Variants in MTHFD2L observed in about 807,000 individuals in gnomAD.
MTHFD2L encodes the protein bifunctional methylenetetrahydrofolate dehydrogenase/cyclohydrolase 2, mitochondrial.
Under a neutral mutation model 34.9 loss-of-function variants are expected in MTHFD2L, and 29 were observed. The ratio of observed to expected loss-of-function variants is 0.83; its 90% CI spans 0.62 to 1.13. The LOEUF is 1.13. MTHFD2L is among the 50% of genes most tolerant of loss of function. MTHFD2L has a pLI of 0.00. For missense variants in MTHFD2L, 481 were observed against 446.5 expected (o/e 1.08, Z -0.70); for synonymous variants, 167 against 155.7 (o/e 1.07, Z -0.54).
At chr4:74,162,719 C>G (rs1412719575) in intron 1 of MTHFD2L, among the ~76,000 whole-genome samples, 2 of 152,100 alleles carry the variant, frequency 1.3e-5, no homozygotes, top group African/African-American at 2.4e-5. Context: ...GACACTATTA[C>G]TATTCCCAGT....
At chr4:74,128,038 G>T (rs1373859490) in intron 1 of MTHFD2L, among the ~76,000 whole-genome samples, 2 of 152,022 alleles carry the variant, frequency 1.3e-5, no homozygotes, top group East Asian at 3.8e-4. Context: ...TTGGCCATTT[G>T]TATGCCTTCA....
intron 1 of MTHFD2L, among the ~76,000 whole-genome samples, chr4:74,171,189 T>C (rs757446580): frequency 1.4e-4 from 21 of 152,188 alleles, no homozygotes; most frequent in South Asian, 4.2e-4. Context: ...GGCAAAAGAC[T>C]TAATTATTTA....
At chr4:74,173,436 C>A (rs1280865436) in intron 1 of MTHFD2L, among the ~76,000 whole-genome samples, 1 of 152,184 alleles carries the variant, frequency 6.6e-6, no homozygotes, top group Non-Finnish European at 1.5e-5. Flanking sequence ...TGGGAAGGAA[C>A]TAAACTATCG....
At chr4:74,267,465 A>G (rs541720775) in intron 6 of MTHFD2L, among the ~76,000 whole-genome samples, 15 of 146,556 alleles carry the variant, frequency 1.0e-4, no homozygotes, top group Non-Finnish European at 2.1e-4. Context: ...TGGTGGCGCC[A>G]TCGTGGCTCA....
intron 7 of MTHFD2L, among the ~76,000 whole-genome samples, chr4:74,284,676 T>G (rs1340734000): frequency 1.3e-5 from 2 of 152,012 alleles, no homozygotes; most frequent in Non-Finnish European, 1.5e-5. Context: ...GTGCAGAAGC[T>G]CTAAAAATCA....
intron 1 of MTHFD2L, chr4:74,143,351 C>T: frequency 1.1e-6 from 1 of 922,398 alleles, no homozygotes; most frequent in Non-Finnish European, 1.3e-6. Flanking sequence ...AAGAAATATA[C>T]TCTTTGAGAA....
intron 7 of MTHFD2L, among the ~76,000 whole-genome samples, chr4:74,290,998 C>CTTTTTTT (rs1560565979): frequency 3.9e-4 from 18 of 46,180 alleles, no homozygotes; most frequent in African/African-American, 1.2e-3. Flanking sequence ...TTTATTTTTC[C>CTTTTTTT]TTTTCTTTTT....
chr4:74,263,891 A>G (rs1744983531), intron 6 of MTHFD2L, among the ~76,000 whole-genome samples: 1 of 152,078 alleles, frequency 6.6e-6, no homozygotes, highest in Non-Finnish European at 1.5e-5. Context: ...GAAATCTAAG[A>G]TTAGTCTAAC....
In MTHFD2L at chr4:74,175,323, A is replaced by G. The variant is rs758844844; in HGVS notation, c.371A>G (p.Gln124Arg). ...ATTCTAAAACCTAAGGATGTTTCTC[A>G]GGAAGAACTTTTGGACGTAACTGAT... is the stretch of plus-strand genomic sequence containing the variant. ...ELILKPKDVS[Q>R]EELLDVTDQL... Residue 124 changes from glutamine to arginine, a missense_variant, in exon 3 of 8, where the codon CAG becomes CGG. By Grantham distance (43) the Gln-to-Arg change is conservative. Coordinates refer to ENST00000325278, the MANE Select transcript of MTHFD2L (RefSeq NM_001144978.3). The G allele has an allele frequency of 1.2e-6, 2 of 1,613,242 alleles. No individual in the cohort carries two copies. Among genetic ancestry groups the G allele is most frequent in the Non-Finnish European group, 1.7e-6 (2 of 1,179,420 alleles).
At chr4:74,225,655 T>C (rs1286823778) in intron 6 of MTHFD2L, among the ~76,000 whole-genome samples, 2 of 152,172 alleles carry the variant, frequency 1.3e-5, no homozygotes, top group Non-Finnish European at 2.9e-5. Flanking sequence ...CTAATTGCTT[T>C]GACGAACATG....
chr4:74,169,419 A>G (rs1252305291), intron 1 of MTHFD2L, among the ~76,000 whole-genome samples: 2 of 152,220 alleles, frequency 1.3e-5, no homozygotes, highest in African/African-American at 4.8e-5. Context: ...CTGTGAACAA[A>G]TTATTTTGTT....
chr4:74,125,852 A>C (rs905253028), intron 1 of MTHFD2L, among the ~76,000 whole-genome samples: 1 of 152,200 alleles, frequency 6.6e-6, no homozygotes, highest in Non-Finnish European at 1.5e-5. Flanking sequence ...AAAATGAATA[A>C]GAAAAAATTA....
intron 1 of MTHFD2L, among the ~76,000 whole-genome samples, chr4:74,159,848 A>G (rs1196612279): frequency 6.6e-6 from 1 of 152,192 alleles, no homozygotes; most frequent in African/African-American, 2.4e-5. Context: ...AAAAAAAGTA[A>G]TATATTTTGA....
At chr4:74,220,920 A>G (rs1738064748) in intron 5 of MTHFD2L, among the ~76,000 whole-genome samples, 1 of 149,954 alleles carries the variant, frequency 6.7e-6, no homozygotes, top group Non-Finnish European at 1.5e-5. Flanking sequence ...TCATTTTCTT[A>G]TTTCTGTTTT....
chr4:74,163,045 TG>T (rs1349181365), intron 1 of MTHFD2L, among the ~76,000 whole-genome samples: 2 of 149,334 alleles, frequency 1.3e-5, no homozygotes, highest in Non-Finnish European at 3.0e-5. Flanking sequence ...AAACTTGGAT[TG>T]GAGGTTACTA....
intron 1 of MTHFD2L, among the ~76,000 whole-genome samples, chr4:74,170,276 A>G (rs1386411462): frequency 6.6e-6 from 1 of 152,236 alleles, no homozygotes; most frequent in Non-Finnish European, 1.5e-5. Flanking sequence ...TAGATACATA[A>G]TAACCAACTG....
chr4:74,143,341 A>G, intron 1 of MTHFD2L: 2 of 907,640 alleles, frequency 2.2e-6, no homozygotes, highest in Non-Finnish European at 2.6e-6. Context: ...AGTGAAGGCA[A>G]AGAAATATAC....
intron 6 of MTHFD2L, among the ~76,000 whole-genome samples, chr4:74,230,884 T>C (rs1739939696): frequency 1.3e-5 from 2 of 152,292 alleles, no homozygotes; most frequent in South Asian, 4.1e-4. Context: ...TTCAGCAGGA[T>C]AGGCAAGTTT....
At chr4:74,155,291 C>A (rs1724173364), upstream of MTHFD2L, among the ~76,000 whole-genome samples, 2 of 152,142 alleles carry the variant, frequency 1.3e-5, no homozygotes, top group Admixed American at 1.3e-4. Flanking sequence ...CACCAACCTG[C>A]TAAATAATGT....
Sources: allele counts gnomAD v4.1 joint callset (sites outside exome capture counted in the v4.1 genomes callset), GRCh38; gene constraint gnomAD v4.1.1; transcripts MANE v1.5; gene names NCBI Gene and HGNC (gene_info 2026-07-23, HGNC 2026-07-21).